The following ZNF462 variants were observed in gnomAD, a reference collection of about 807,000 sequenced individuals.
The protein encoded by ZNF462 is zinc finger protein 462.
Under a neutral mutation model 201.9 loss-of-function variants are expected in ZNF462, and 10 were observed. The observed-to-expected ratio is 0.05, with a 90% CI of 0.03 to 0.08. The LOEUF is 0.08. ZNF462 is among the 10% of genes least tolerant of loss of function. The pLI is 1.00. For missense variants in ZNF462, 2,523 were observed against 3,168.3 expected (o/e 0.80, Z 4.89); for synonymous variants, 1,227 against 1,193.3 (o/e 1.03, Z -0.58).
intron 10 of ZNF462, among the ~76,000 whole-genome samples, chr9:106,991,821 G>A (rs1828288951): frequency 7.0e-6 from 1 of 143,488 alleles, no homozygotes; most frequent in African/African-American, 2.6e-5. Context: ...TATGACCCTT[G>A]ACCTTTACAG....
At chr9:106,864,039 G>GCGCTCTCTCTCTCTCTCTCTCT in intron 1 of ZNF462, among the ~76,000 whole-genome samples, 1 of 22,760 alleles carries the variant, frequency 4.4e-5, no homozygotes, top group South Asian at 1.6e-3. Context: ...CAGGTATTTG[G>GCGCTCTCTCTCTCTCTCTCTCT]CTCTCTCTCT....
chr9:106,999,127 T>A lies in ZNF462; in HGVS notation c.7057-4167T>A, dbSNP rs576922738. Among the ~76,000 whole-genome samples the A allele has an allele frequency of 9.7e-4, 147 of 152,244 alleles. 1 individual carries two copies. Among genetic ancestry groups the A allele is most frequent in the Middle Eastern group, 3.4e-3 (1 of 294 alleles). ...CAGAAAGAGCCTGGAAGGAGCTGGG[T>A]TCTAAATCTCAAACTCTTAAGCTTG... On this transcript the variant is annotated intron_variant, in intron 10 of 12. Transcript: ENST00000277225.
chr9:106,899,439 A>G (rs1042232903), intron 1 of ZNF462, among the ~76,000 whole-genome samples: 13 of 152,198 alleles, frequency 8.5e-5, no homozygotes, highest in African/African-American at 2.4e-4. Context: ...ATGATGGGAC[A>G]TGGGAGCGCC....
Position 106,926,536 on chromosome 9 carries a change from A to T in ZNF462, c.2624A>T (p.Tyr875Phe), listed in dbSNP as rs1447519568. 1 of 1,614,174 alleles carries T rather than the reference A, an allele frequency of 6.2e-7. No individual in the cohort carries two copies. ...MHPYIKFSFR[Y>F]ILDPNDHSAV... ...CCATACATTAAATTCAGCTTTAGGT[A>T]CATCTTGGACCCCAATGATCACAGT... Residue 875 changes from tyrosine to phenylalanine, a missense_variant, in exon 3 of 13, where the codon TAC (tyrosine) becomes TTC (phenylalanine). Around this residue, in one of 15 missense-constraint regions of ZNF462, gnomAD observed 11 missense variants for 41.0 expected, o/e 0.27. Coordinates refer to ENST00000277225, the MANE Select transcript of ZNF462 (RefSeq NM_021224.6). The surrounding 1 kb of genome is among the most constrained non-coding windows in gnomAD (Gnocchi z 7.9).
rs940111483 is a variant in ZNF462, at chr9:106,880,341, A to G, written c.-31+16986A>G. ...CAGACTGAACAGTTTGCCTGTGAGAACTTAACAGTGCAGAAATGAATTCCT... is the reference window on the plus strand; with the variant it reads ...CAGACTGAACAGTTTGCCTGTGAGAGCTTAACAGTGCAGAAATGAATTCCT... On this transcript the variant is annotated intron_variant, in intron 1 of 12. Transcript: ENST00000277225. The surrounding 1 kb of genome is among the most constrained non-coding windows in gnomAD (Gnocchi z 4.1). Among the ~76,000 whole-genome samples the G allele has an allele frequency of 2.0e-5, 3 of 152,230 alleles. No homozygotes were observed. The highest frequency in any genetic ancestry group is 7.2e-5 in the African/African-American group (3 of 41,472).
At chr9:106,864,495 T>G (rs2130761309) in intron 1 of ZNF462, among the ~76,000 whole-genome samples, 1 of 152,220 alleles carries the variant, frequency 6.6e-6, no homozygotes, top group Non-Finnish European at 1.5e-5. Flanking sequence ...TTTATCTCCC[T>G]GTCCTCCATT....
At position 106,905,036 on chromosome 9, in the gene ZNF462, T is replaced by G. The variant is rs1004276852; in HGVS notation, c.-30-18318T>G. ...TACCAGGGTTGGTTTTCTGGTTTCT[T>G]CTCATTTGGGTAGGCTCTGTCAGAG... On this transcript the variant is annotated intron_variant, in intron 1 of 12. Transcript: ENST00000277225. The surrounding 1 kb of genome is among the most constrained non-coding windows in gnomAD (Gnocchi z 5.9). 1.5e-4 allele frequency among the ~76,000 whole-genome samples: 23 copies of G among 152,186 alleles called. No homozygotes were observed. The highest frequency in any genetic ancestry group is 5.6e-4 in the African/African-American group (23 of 41,436).
chr9:106,909,787 GT>G (rs1829466512), intron 1 of ZNF462, among the ~76,000 whole-genome samples: 1 of 152,102 alleles, frequency 6.6e-6, no homozygotes, highest in African/African-American at 2.4e-5. Flanking sequence ...AGGATTCAAT[GT>G]TTAGCCTTGA....
chr9:106,868,849 C>G (rs1827460967), intron 1 of ZNF462, among the ~76,000 whole-genome samples: 1 of 152,192 alleles, frequency 6.6e-6, no homozygotes, highest in South Asian at 2.1e-4. Context: ...CTGAGAAACT[C>G]TGTACTCATA....
In ZNF462 at chr9:106,950,089, T is replaced by G. The variant is rs1360138357; in HGVS notation, c.6427+10982T>G. Among the ~76,000 whole-genome samples the G allele has an allele frequency of 6.6e-6, 1 of 152,186 alleles. No homozygotes were observed. On this transcript the variant is annotated intron_variant, in intron 7 of 12. Coordinates refer to ENST00000277225, the MANE Select transcript of ZNF462 (RefSeq NM_021224.6). The surrounding 1 kb of genome is among the most constrained non-coding windows in gnomAD (Gnocchi z 4.1). ...TCCTCTGGTTTCCAACTTACCAGAC[T>G]CCAACCCTGAATAACCTTCACTCCT...
chr9:106,954,306 AAG>A lies in ZNF462; in HGVS notation c.6427+15204_6427+15205del. The stretch of plus-strand genomic sequence containing the variant: ...ATCTTATATGGTGGCAGGAGAGAGA[AAG>A]AGAGTGAGGGGGGGATGTGCCATAC... On this transcript the variant is annotated intron_variant, in intron 7 of 12. Coordinates refer to ENST00000277225, the MANE Select transcript of ZNF462 (RefSeq NM_021224.6). This position sits in a 1 kb window ranked among gnomAD's most constrained non-coding sequence, Gnocchi z 4.0. Among the ~76,000 whole-genome samples the A allele has an allele frequency of 6.6e-6, 1 of 152,096 alleles. No homozygotes were observed. The highest frequency in any genetic ancestry group is 1.9e-4 in the East Asian group (1 of 5,192).
chr9:106,930,430 G>A lies in ZNF462; in HGVS notation c.5848-95G>A, dbSNP rs1830378587. 2 of 1,497,380 alleles carry A rather than the reference G, an allele frequency of 1.3e-6. No individual in the cohort carries two copies. The highest frequency in any genetic ancestry group is 9.0e-7 in the Non-Finnish European group (1 of 1,106,486). The allele number at this position is 1,497,380 out of a possible 1,614,324, so 92.8% of individuals were successfully genotyped here. ...CCCTTGGTTTTTAACCTGCTAATCGGCTTTAAAATAAAGTATGTTAGTAAA... is the reference window on the plus strand; with the variant it reads ...CCCTTGGTTTTTAACCTGCTAATCGACTTTAAAATAAAGTATGTTAGTAAA... On this transcript the variant is annotated intron_variant, in intron 3 of 12. Coordinates refer to ENST00000277225, the MANE Select transcript of ZNF462 (RefSeq NM_021224.6). The surrounding 1 kb of genome is among the most constrained non-coding windows in gnomAD (Gnocchi z 5.8).
Position 107,013,473 on chromosome 9 carries a change from C to T in ZNF462, c.*2443C>T, listed in dbSNP as rs1313144669. On this transcript the variant is annotated 3_prime_UTR_variant, in exon 13 of 13. Coordinates refer to ENST00000277225, the MANE Select transcript of ZNF462 (RefSeq NM_021224.6). ...CTATTGACTCCAGTAATCAGTGTTT[C>T]CCAATACTTCATAAGAGATAGGGAG... 6.6e-6 allele frequency: 1 copy of T among 151,986 alleles called. No homozygotes were observed. The highest frequency in any genetic ancestry group is 6.6e-5 in the Admixed American group (1 of 15,244). 9.4% of individuals were successfully genotyped at this position (151,986 alleles called of 1,614,324 possible).
upstream of ZNF462, among the ~76,000 whole-genome samples, chr9:106,862,091 T>A (rs966885158): frequency 2.1e-4 from 32 of 151,752 alleles, no homozygotes; most frequent in African/African-American, 7.5e-4. The surrounding 1 kb of genome is among the most constrained non-coding windows in gnomAD (Gnocchi z 4.2). Flanking sequence ...ACCTTCCATA[T>A]CAGGAAAGAA....
At position 106,935,083 on chromosome 9, in the gene ZNF462, T is replaced by G. The variant is rs1422458032; in HGVS notation, c.6117-420T>G. Among the ~76,000 whole-genome samples the G allele has an allele frequency of 6.6e-6, 1 of 152,230 alleles. No homozygotes were observed. The highest frequency in any genetic ancestry group is 1.5e-5 in the Non-Finnish European group (1 of 68,042). ...AAGAAAGTCAGCTCTTTTCAAATGC[T>G]AAATTTCTCTAATTCCCATTCTGTT... On this transcript the variant is annotated intron_variant, in intron 5 of 12. Transcript: ENST00000277225. The surrounding 1 kb of genome is among the most constrained non-coding windows in gnomAD (Gnocchi z 4.1).
chr9:106,923,688 C>A lies in ZNF462; in HGVS notation c.220+85C>A. The A allele has an allele frequency of 1.4e-6, 2 of 1,432,658 alleles. No homozygotes were observed. The highest frequency in any genetic ancestry group is 1.4e-5 in the African/African-American group (1 of 70,458). 88.7% of individuals were successfully genotyped at this position (1,432,658 alleles called of 1,614,324 possible). The stretch of plus-strand genomic sequence containing the variant: ...GCCTGTAGCCATGGTTCTTAATATA[C>A]GTGGCTTTTGCAGAGTTTCTTGTGC... On this transcript the variant is annotated intron_variant, in intron 2 of 12. Coordinates refer to ENST00000277225, the MANE Select transcript of ZNF462 (RefSeq NM_021224.6). The surrounding 1 kb of genome is among the most constrained non-coding windows in gnomAD (Gnocchi z 5.6).
chr9:106,984,890 G>A lies in ZNF462; in HGVS notation c.7056+481G>A, dbSNP rs1422050909. Among the ~76,000 whole-genome samples the A allele has an allele frequency of 6.6e-6, 1 of 152,138 alleles. No homozygotes were observed. Among genetic ancestry groups the A allele is most frequent in the African/African-American group, 2.4e-5 (1 of 41,426 alleles). ...TGTAGTCTTTGTGGCAATTAAGAAA[G>A]CAGCCATGCTGGAGTTCAAGACCAG... On this transcript the variant is annotated intron_variant, in intron 10 of 12. Transcript: ENST00000277225. This position sits in a 1 kb window ranked among gnomAD's most constrained non-coding sequence, Gnocchi z 6.4.
chr9:106,882,359 C>T (rs1348379618), intron 1 of ZNF462, among the ~76,000 whole-genome samples: 1 of 152,156 alleles, frequency 6.6e-6, no homozygotes, highest in Non-Finnish European at 1.5e-5. Context: ...ATATCTGTTC[C>T]TTAAAAGTGC....
chr9:106,871,734 G>A (rs1827601208), intron 1 of ZNF462, among the ~76,000 whole-genome samples: 2 of 152,174 alleles, frequency 1.3e-5, no homozygotes, highest in African/African-American at 4.8e-5. Context: ...AAACTCAAGG[G>A]AACTGGTTAA....
Sources: allele counts gnomAD v4.1 joint callset (sites outside exome capture counted in the v4.1 genomes callset), GRCh38; gene constraint gnomAD v4.1.1; regional missense constraint gnomAD v4.1.1; non-coding constraint Gnocchi (gnomAD v3.1); transcripts MANE v1.5; gene names NCBI Gene and HGNC (gene_info 2026-07-23, HGNC 2026-07-21).